The following DNAJC5 variants were observed in gnomAD, a reference collection of about 807,000 sequenced individuals.
DNAJC5 encodes the protein dnaJ homolog subfamily C member 5.
Under a neutral mutation model 23.2 loss-of-function variants are expected in DNAJC5, and 1 was observed. The ratio of observed to expected loss-of-function variants is 0.04; its 90% CI spans 0.02 to 0.20. The LOEUF is 0.20. Ranked by LOEUF, DNAJC5 falls within the 10% of genes least tolerant of loss-of-function variation. The pLI is 1.00. For missense variants in DNAJC5, 180 were observed against 267.0 expected, an observed-to-expected ratio of 0.67 and a Z score of 2.27; for synonymous variants, 136 against 120.0, an observed-to-expected ratio of 1.13 and a Z score of -0.87.
Position 63,931,296 on chromosome 20 carries a change from C to A in DNAJC5, c.494-169C>A. The stretch of plus-strand genomic sequence containing the variant: ...TTGGGGCGGGGCTGAGGGCCGAGGG[C>A]TGGCGGTGACCCAAGGCGACGGAGG... On this transcript the variant is annotated intron_variant, in intron 4 of 4. Coordinates refer to ENST00000360864, the MANE Select transcript of DNAJC5 (RefSeq NM_025219.3). This position sits in a 1 kb window ranked among gnomAD's most constrained non-coding sequence, Gnocchi z 9.6. The A allele has an allele frequency of 1.2e-6, 1 of 807,268 alleles. No individual in the cohort carries two copies. Among genetic ancestry groups the A allele is most frequent in the Non-Finnish European group, 2.0e-6 (1 of 488,218 alleles). The allele number at this position is 807,268 out of a possible 1,614,324, so 50.0% of individuals were successfully genotyped here. A position where few individuals can be genotyped will look rare whatever the true frequency, so the allele number is the denominator to read the frequency against.
intron 1 of DNAJC5, among the ~76,000 whole-genome samples, chr20:63,924,874 C>A (rs1349964160): frequency 1.3e-5 from 2 of 152,262 alleles, no homozygotes; most frequent in South Asian, 4.1e-4. Flanking sequence ...CTTGGCCACA[C>A]TGGCGTGCCC....
At chr20:63,895,923 G>A (rs2053372538) in intron 1 of DNAJC5, among the ~76,000 whole-genome samples, 1 of 152,202 alleles carries the variant, frequency 6.6e-6, no homozygotes, top group African/African-American at 2.4e-5. Flanking sequence ...AGAGTATTAG[G>A]AACTCGTCCG....
chr20:63,902,800 C>T lies in DNAJC5; in HGVS notation c.-12+7477C>T, dbSNP rs534888924. ...ATGCCATTCTCCTGCCTCAGCCTCCCGAGTAGCTGGGACTACAGGCACCCG... is the reference window on the plus strand; with the variant it reads ...ATGCCATTCTCCTGCCTCAGCCTCCTGAGTAGCTGGGACTACAGGCACCCG... On this transcript the variant is annotated intron_variant, in intron 1 of 4. Transcript: ENST00000360864. Among the ~76,000 whole-genome samples the T allele has an allele frequency of 3.3e-5, 5 of 151,422 alleles. No individual in the cohort carries two copies. In the East Asian group the frequency reaches 7.8e-4, roughly 24 times the overall value.
At chr20:63,899,434 A>G (rs1421091287) in intron 1 of DNAJC5, among the ~76,000 whole-genome samples, 1 of 152,192 alleles carries the variant, frequency 6.6e-6, no homozygotes, top group South Asian at 2.1e-4. Context: ...CATGTGTGTT[A>G]ATGAGGAAGT....
At chr20:63,900,163 A>T (rs1471049921) in intron 1 of DNAJC5, among the ~76,000 whole-genome samples, 1 of 151,640 alleles carries the variant, frequency 6.6e-6, no homozygotes, top group Non-Finnish European at 1.5e-5. Flanking sequence ...TGCTGGGATT[A>T]TAGGCGTGAG....
chr20:63,908,920 G>GA (rs1464152569), intron 1 of DNAJC5: 1 of 152,074 alleles, frequency 6.6e-6, no homozygotes, highest in Non-Finnish European at 1.5e-5. Context: ...CCAACATGGT[G>GA]AAACCCCCCC....
In DNAJC5 at chr20:63,931,435, C is replaced by G; in HGVS notation, c.494-30C>G. On this transcript the variant is annotated intron_variant, in intron 4 of 4. Transcript: ENST00000360864. This position sits in a 1 kb window ranked among gnomAD's most constrained non-coding sequence, Gnocchi z 9.6. ...TGGGTGCGCGCCAGGCTGTGGCCCT[C>G]GTGCAGTGCCCTGTGTGCTTGCTTT... The G allele has an allele frequency of 6.5e-7, 1 of 1,533,042 alleles. No homozygotes were observed. Among genetic ancestry groups the G allele is most frequent in the Non-Finnish European group, 8.8e-7 (1 of 1,142,686 alleles). 95.0% of individuals were successfully genotyped at this position (1,533,042 alleles called of 1,614,324 possible).
intron 1 of DNAJC5, among the ~76,000 whole-genome samples, chr20:63,896,215 C>T (rs1006956190): frequency 6.6e-6 from 1 of 152,196 alleles, no homozygotes. Context: ...AAAGTTTACT[C>T]AAAGCTTCTG....
Position 63,928,200 on chromosome 20 carries a change from G to T in DNAJC5, c.-11-135G>T. 1 of 721,746 alleles carries T rather than the reference G, an allele frequency of 1.4e-6. No individual in the cohort carries two copies. Among genetic ancestry groups the T allele is most frequent in the Non-Finnish European group, 2.4e-6 (1 of 409,634 alleles). 44.7% of individuals were successfully genotyped at this position (721,746 alleles called of 1,614,324 possible). ...CTTCTCCATGCCATGGCGTCTGTCT[G>T]TGCACGTGGCAAACTCCACAAGGCA... On this transcript the variant is annotated intron_variant, in intron 1 of 4. Coordinates refer to ENST00000360864, the MANE Select transcript of DNAJC5 (RefSeq NM_025219.3). This position sits in a 1 kb window ranked among gnomAD's most constrained non-coding sequence, Gnocchi z 4.6.
In DNAJC5 at chr20:63,932,046, T is replaced by G. The variant is rs2053677708; in HGVS notation, c.*478T>G. On this transcript the variant is annotated 3_prime_UTR_variant, in exon 5 of 5. Transcript: ENST00000360864. The surrounding 1 kb of genome is among the most constrained non-coding windows in gnomAD (Gnocchi z 4.4). ...GCCTCGGGGTCTGGTCCACACTCTG[T>G]GCTCCCAGCCTTGAGGCTGCAGTAG... The G allele has an allele frequency of 3.8e-6, 1 of 262,758 alleles. No individual in the cohort carries two copies. Among genetic ancestry groups the G allele is most frequent in the South Asian group, 3.9e-5 (1 of 25,680 alleles). The allele number at this position is 262,758 out of a possible 1,614,324, so 16.3% of individuals were successfully genotyped here.
At chr20:63,899,545 T>C (rs562157501) in intron 1 of DNAJC5, among the ~76,000 whole-genome samples, 13 of 152,398 alleles carry the variant, frequency 8.5e-5, no homozygotes, top group African/African-American at 2.6e-4. Flanking sequence ...AGCATTGATA[T>C]TTCAAATTGA....
rs754507844 is a variant in DNAJC5 at position 63,932,159 on chromosome 20, G to A, written c.*591G>A. The A allele has an allele frequency of 6.4e-5, 11 of 171,860 alleles. No individual in the cohort carries two copies. Among genetic ancestry groups the A allele is most frequent in the Non-Finnish European group, 1.0e-4 (8 of 78,374 alleles). 10.6% of individuals were successfully genotyped at this position (171,860 alleles called of 1,614,324 possible). On this transcript the variant is annotated 3_prime_UTR_variant, in exon 5 of 5. Transcript: ENST00000360864. This position sits in a 1 kb window ranked among gnomAD's most constrained non-coding sequence, Gnocchi z 4.4. ...CTGTCATTCCTTGGTGTCTGTGCTG[G>A]GCATGGTTGGCTTGGGGGTCTGTGG...
At chr20:63,922,482 A>AG (rs35521764) in intron 1 of DNAJC5, among the ~76,000 whole-genome samples, 2 of 151,346 alleles carry the variant, frequency 1.3e-5, no homozygotes, top group Admixed American at 1.3e-4. Context: ...AAAAAAAAAA[A>AG]TAGACATCAG....
intron 1 of DNAJC5, among the ~76,000 whole-genome samples, chr20:63,906,148 A>C (rs1469830579): frequency 6.6e-6 from 1 of 152,178 alleles, no homozygotes; most frequent in Non-Finnish European, 1.5e-5. Flanking sequence ...AACATGTATT[A>C]AGCTTTGTAA....
At chr20:63,922,042 G>A (rs1301032132) in intron 1 of DNAJC5, among the ~76,000 whole-genome samples, 2 of 152,056 alleles carry the variant, frequency 1.3e-5, no homozygotes, top group Admixed American at 1.3e-4. Context: ...GCCTCCCAAA[G>A]TGCTGGAATT....
In DNAJC5 at chr20:63,928,994, C is replaced by G. The variant is rs2146304804; in HGVS notation, c.108-318C>G. On this transcript the variant is annotated intron_variant, in intron 2 of 4. Transcript: ENST00000360864. The surrounding 1 kb of genome is among the most constrained non-coding windows in gnomAD (Gnocchi z 4.6). ...ATTACGCCCCGCCGTGCTTACCGTT[C>G]ACTTGGCACTTGTGCAGTTAGCGGC... Among the ~76,000 whole-genome samples, 1 of 152,384 alleles carries G rather than the reference C, an allele frequency of 6.6e-6. No individual in the cohort carries two copies. The highest frequency in any genetic ancestry group is 2.1e-4 in the South Asian group (1 of 4,834).
At chr20:63,916,276 A>G (rs900491933) in intron 1 of DNAJC5, among the ~76,000 whole-genome samples, 6 of 152,194 alleles carry the variant, frequency 3.9e-5, no homozygotes, top group Admixed American at 6.5e-5. Context: ...CAATATTTCA[A>G]TGTAGGTTCT....
intron 3 of DNAJC5, among the ~76,000 whole-genome samples, chr20:63,930,598 C>T (rs192278440): frequency 1.9e-4 from 29 of 152,350 alleles, no homozygotes; most frequent in Admixed American, 1.1e-3. Context: ...CCGCCAGCCT[C>T]GGCCTCCTGG....
At chr20:63,896,787 T>C (rs541287137) in intron 1 of DNAJC5, among the ~76,000 whole-genome samples, 2 of 152,256 alleles carry the variant, frequency 1.3e-5, no homozygotes, top group South Asian at 4.2e-4. Flanking sequence ...AGAGAATGTT[T>C]TGTGAAAAAA....
Sources: gnomAD v4.1 joint callset for allele counts (sites outside exome capture counted in the v4.1 genomes callset) on GRCh38, gnomAD v4.1.1 for gene constraint, Gnocchi (gnomAD v3.1) non-coding constraint, MANE v1.5 for transcripts, NCBI Gene and HGNC (gene_info 2026-07-23, HGNC 2026-07-21) for gene names.